Variants in RYR3 observed in about 807,000 individuals in gnomAD.
The protein encoded by RYR3 is brain ryanodine receptor-calcium release channel.
In RYR3, 207 loss-of-function variants were observed where a neutral mutation model predicts 584.3. The ratio of observed to expected loss-of-function variants is 0.35; its 90% confidence interval spans 0.32 to 0.40. RYR3 has a LOEUF of 0.40. Among genes scored for constraint, RYR3 ranks in the 10% least tolerant of loss-of-function variants. The probability of loss-of-function intolerance (pLI) is 1.00; values close to 1 mark genes in which losing one functional copy is unlikely to be tolerated. For synonymous variants in RYR3, 2,416 were observed against 2,248.5 expected (o/e 1.07, Z -2.11); for missense variants, 5,616 against 6,089.2 (o/e 0.92, Z 2.59).
chr15:33,827,025 G>GT (rs2077411671), intron 84 of RYR3, among the ~76,000 whole-genome samples, 174 bp from the exon 85 acceptor site: 1 of 152,208 alleles, frequency 6.6e-6, no homozygotes, highest in Non-Finnish European at 1.5e-5. Flanking sequence ...GGTGTCCGCA[G>GT]GTTGGGGGGG....
intron 36 of RYR3, among the ~76,000 whole-genome samples, chr15:33,667,632 A>C (rs28522158): frequency 0.18 from 27,341 of 152,100 alleles, 3,087 homozygotes; most frequent in East Asian, 0.24. Context: ...TATAGTTTTG[A>C]TACCTGTATT....
In RYR3 at chr15:33,666,298, C is replaced by T. The variant is rs577546716; in HGVS notation, c.5619+2561C>T. Among the ~76,000 whole-genome samples the T allele has an allele frequency of 1.7e-4, 26 of 152,284 alleles. 1 individual carries two copies. In the South Asian group the frequency reaches 1.9e-3, roughly 11 times the overall value. ...GGATTACAGGTGTGAGCCACTGTGC[C>T]CAGCCTCACTCCTAGGGTTTCTAAT... On this transcript the variant is annotated intron_variant, in intron 36 of 103. Transcript: ENST00000634891.
In RYR3 at chr15:33,334,342, C is replaced by T. The variant is rs560771886; in HGVS notation, c.51+23246C>T. Among the ~76,000 whole-genome samples, 15 of 152,164 alleles carry T rather than the reference C, an allele frequency of 9.9e-5. 1 individual carries two copies. In the South Asian group the frequency reaches 1.0e-3, roughly 11 times the overall value. On this transcript the variant is annotated intron_variant, in intron 1 of 103. Transcript: ENST00000634891. ...CTGGTACAAGAACAGACACATAGACCGATGGAACAGAATAGAGAACGCAGA... is the reference window on the plus strand; with the variant it reads ...CTGGTACAAGAACAGACACATAGACTGATGGAACAGAATAGAGAACGCAGA...
intron 1 of RYR3, among the ~76,000 whole-genome samples, chr15:33,339,669 C>T (rs1043053668): frequency 6.6e-6 from 1 of 152,124 alleles, no homozygotes; most frequent in Non-Finnish European, 1.5e-5. Flanking sequence ...GCGGGCGGAT[C>T]ACGAGGTCAG....
intron 1 of RYR3, among the ~76,000 whole-genome samples, chr15:33,419,401 T>C (rs1483793450): frequency 6.6e-6 from 1 of 152,172 alleles, no homozygotes; most frequent in Non-Finnish European, 1.5e-5. Flanking sequence ...AAAAGTTGGC[T>C]TTTGGAGGTG....
rs377535274 is a variant in RYR3, at chr15:33,632,964, C to A, written c.2883C>A (p.Asn961Lys). Residue 961 changes from asparagine to lysine, a missense_variant, in exon 24 of 104, where the codon AAC (asparagine) becomes AAA (lysine). Coordinates refer to ENST00000634891, the MANE Select transcript of RYR3 (RefSeq NM_001036.6). ...VKLPKNYMMS[N>K]GYKPAPLDLS... ...TTACTTGTAGCTATATGATGTCCAA[C>A]GGCTATAAGCCAGCCCCTTTGGATT... is the stretch of plus-strand genomic sequence containing the variant. 17 of 1,612,788 alleles carry A rather than the reference C, an allele frequency of 1.1e-5. No individual in the cohort carries two copies. In the South Asian group the frequency reaches 1.8e-4, roughly 17 times the overall value.
intron 36 of RYR3, among the ~76,000 whole-genome samples, 198 bp downstream of exon 36, chr15:33,663,935 C>T (rs2063315847): frequency 6.6e-6 from 1 of 152,236 alleles, no homozygotes; most frequent in Admixed American, 6.5e-5. Context: ...TAGGAAAATA[C>T]CCCTTTCTAA....
chr15:33,374,364 A>ATGTGTGTGTGTGTG (rs138831585), intron 1 of RYR3, among the ~76,000 whole-genome samples: 32 of 144,900 alleles, frequency 2.2e-4, no homozygotes, highest in Non-Finnish European at 3.0e-4. Flanking sequence ...GTACGAGTGT[A>ATGTGTGTGTGTGTG]TGTGTGTGTG....
chr15:33,822,612 G>GA (rs2077169566), intron 80 of RYR3, among the ~76,000 whole-genome samples: 1 of 152,186 alleles, frequency 6.6e-6, no homozygotes, highest in Admixed American at 6.5e-5. Context: ...GAGAACACAG[G>GA]AAACAAAGCC....
At chr15:33,856,516 A>G (rs898262974) in intron 98 of RYR3, 5 of 152,310 alleles carry the variant, frequency 3.3e-5, no homozygotes, top group African/African-American at 1.2e-4. Context: ...AATTCTCTGT[A>G]ATAAAAAGTG....
At chr15:33,502,354 G>T (rs2052067267) in intron 2 of RYR3, among the ~76,000 whole-genome samples, 1 of 152,086 alleles carries the variant, frequency 6.6e-6, no homozygotes, top group Admixed American at 6.6e-5. Flanking sequence ...CTTAGTAACA[G>T]ACTTGGTTTA....
At chr15:33,610,249 C>A (rs2060114236) in intron 18 of RYR3, among the ~76,000 whole-genome samples, 2 of 152,188 alleles carry the variant, frequency 1.3e-5, no homozygotes, top group African/African-American at 4.8e-5. Flanking sequence ...CTTGCTCTTT[C>A]CTTTCATTTC....
At chr15:33,845,268 T>G (rs1360689886) in intron 93 of RYR3, among the ~76,000 whole-genome samples, 2 of 152,130 alleles carry the variant, frequency 1.3e-5, no homozygotes, top group Non-Finnish European at 1.5e-5. Flanking sequence ...TGTTGTTGTT[T>G]TTGAGATGGG....
intron 42 of RYR3, among the ~76,000 whole-genome samples, chr15:33,705,044 A>G (rs2066587215): frequency 1.3e-5 from 2 of 151,992 alleles, no homozygotes; most frequent in Admixed American, 6.6e-5. Flanking sequence ...ATTGAACAGT[A>G]GCCCTACCCC....
chr15:33,485,473 G>A (rs1451314860), intron 2 of RYR3, among the ~76,000 whole-genome samples: 1 of 152,138 alleles, frequency 6.6e-6, no homozygotes, highest in Non-Finnish European at 1.5e-5. Flanking sequence ...TGGTCAGTGT[G>A]CAAAATTGCC....
intron 73 of RYR3, 87 bp downstream of exon 73, chr15:33,813,081 A>C: frequency 6.5e-7 from 1 of 1,535,874 alleles, no homozygotes; most frequent in Non-Finnish European, 8.9e-7. Context: ...TTCAGGTACA[A>C]GTGCCCTCAT....
chr15:33,770,084 C>T (rs890206096), intron 62 of RYR3, among the ~76,000 whole-genome samples: 4 of 149,376 alleles, frequency 2.7e-5, no homozygotes, highest in African/African-American at 9.8e-5. Flanking sequence ...CTCAGGAGTT[C>T]AAGACCAGCC....
Position 33,785,951 on chromosome 15 carries a change from C to T in RYR3, c.9558C>T (p.Ile3186=), listed in dbSNP as rs556697081. ...ILKIINNNLG[I]DEASWMKRIA... is the part of the protein sequence containing the mutation. ...AAATCATCAACAACAACCTGGGCAT[C>T]GATGAGGCCTCCTGGATGAAGCGCA... The change falls in exon 66 of 104, where the codon ATC becomes ATT. Residue 3186 remains isoleucine (I), a synonymous_variant. Coordinates refer to ENST00000634891, the MANE Select transcript of RYR3 (RefSeq NM_001036.6). The T allele has an allele frequency of 4.9e-5, 78 of 1,601,498 alleles. No homozygotes were observed. Among genetic ancestry groups the T allele is most frequent in the East Asian group, 1.1e-4 (5 of 44,706 alleles).
At chr15:33,316,148 A>G (rs1266315716) in intron 1 of RYR3, among the ~76,000 whole-genome samples, 2 of 152,190 alleles carry the variant, frequency 1.3e-5, no homozygotes, top group African/African-American at 4.8e-5. Flanking sequence ...GGAGGAATTT[A>G]TCTGGAGAGA....
Sources: gnomAD v4.1 joint callset for allele counts (sites outside exome capture counted in the v4.1 genomes callset) on GRCh38, gnomAD v4.1.1 for gene constraint, MANE v1.5 for transcripts, NCBI Gene and HGNC (gene_info 2026-07-23, HGNC 2026-07-21) for gene names.